Variants in SLC24A2 observed in about 807,000 individuals in gnomAD.
The protein encoded by SLC24A2 is sodium/potassium/calcium exchanger 2.
In SLC24A2, 36 loss-of-function variants were observed where a neutral mutation model predicts 62.0. The observed-to-expected ratio is 0.58, with a 90% CI of 0.44 to 0.77. The LOEUF (loss-of-function observed/expected upper bound fraction) is 0.77, where lower values mean the gene tolerates loss of function less well. SLC24A2 is among the 30% of genes least tolerant of loss of function. The pLI is 0.00. For missense variants in SLC24A2, 846 were observed against 817.9 expected, an observed-to-expected ratio of 1.03 and a Z score of -0.42; for synonymous variants, 358 against 294.0, an observed-to-expected ratio of 1.22 and a Z score of -2.23.
At chr9:19,581,835 G>T (rs1053554232) in intron 5 of SLC24A2, among the ~76,000 whole-genome samples, 3 of 152,156 alleles carry the variant, frequency 2.0e-5, no homozygotes, top group Admixed American at 6.5e-5. Context: ...TGATATTTTT[G>T]AGTACTTTTC....
At chr9:20,047,724 T>A in the SLC24A2 span, among the ~76,000 whole-genome samples, 1 of 150,322 alleles carries the variant, frequency 6.7e-6, no homozygotes, top group African/African-American at 2.4e-5. Context: ...ATAAAGAAAC[T>A]AATCCCAACC....
chr9:19,547,922 C>CT (rs1341408365), intron 8 of SLC24A2, among the ~76,000 whole-genome samples: 1 of 151,624 alleles, frequency 6.6e-6, no homozygotes, highest in Non-Finnish European at 1.5e-5. Flanking sequence ...ACACATTCAG[C>CT]TATTTGGTTG....
intron 1 of SLC24A2, among the ~76,000 whole-genome samples, chr9:19,788,076 G>A (rs1294908217): frequency 6.6e-6 from 1 of 152,232 alleles, no homozygotes; most frequent in Non-Finnish European, 1.5e-5. Context: ...TTTGGAGGCA[G>A]TCGCTGAGAT....
the SLC24A2 span, among the ~76,000 whole-genome samples, chr9:20,169,271 T>A: frequency 6.6e-6 from 1 of 151,998 alleles, no homozygotes; most frequent in Admixed American, 6.6e-5. Flanking sequence ...TTTAAGAGGA[T>A]CATGACAGAC....
chr9:19,837,078 CA>C, the SLC24A2 span, among the ~76,000 whole-genome samples: 1 of 152,082 alleles, frequency 6.6e-6, no homozygotes, highest in Non-Finnish European at 1.5e-5. Context: ...GGACGTATCT[CA>C]AAATAATAAG....
intron 2 of SLC24A2, among the ~76,000 whole-genome samples, chr9:19,727,841 CA>C (rs1021472263): frequency 2.4e-4 from 36 of 152,252 alleles, no homozygotes; most frequent in African/African-American, 8.7e-4. Context: ...TTTTGAAAAT[CA>C]GAAACTACAA....
chr9:19,814,750 A>G, the SLC24A2 span, among the ~76,000 whole-genome samples: 2 of 152,200 alleles, frequency 1.3e-5, no homozygotes, highest in Non-Finnish European at 2.9e-5. Context: ...AAATATTGTC[A>G]GCATTTAGAC....
At chr9:19,845,375 C>T in the SLC24A2 span, among the ~76,000 whole-genome samples, 1 of 152,102 alleles carries the variant, frequency 6.6e-6, no homozygotes, top group Non-Finnish European at 1.5e-5. Context: ...TGTATCCTGA[C>T]ACTTTACTGA....
At chr9:20,159,596 A>C in the SLC24A2 span, among the ~76,000 whole-genome samples, 1 of 151,412 alleles carries the variant, frequency 6.6e-6, no homozygotes, top group Non-Finnish European at 1.5e-5. Flanking sequence ...GTTATTCCCC[A>C]AAAGTGAGAA....
chr9:20,167,538 G>C, the SLC24A2 span, among the ~76,000 whole-genome samples: 9 of 151,982 alleles, frequency 5.9e-5, no homozygotes, highest in Non-Finnish European at 1.5e-5. Context: ...CACACCCATA[G>C]CAATGAGCAC....
At chr9:19,916,314 A>G in the SLC24A2 span, among the ~76,000 whole-genome samples, 69 of 152,168 alleles carry the variant, frequency 4.5e-4, 1 homozygote, top group African/African-American at 1.6e-3. Context: ...ACAGCTTTGT[A>G]GGAAGTTTTG....
At chr9:19,883,995 C>G in the SLC24A2 span, among the ~76,000 whole-genome samples, 308 of 152,268 alleles carry the variant, frequency 2.0e-3, 1 homozygote, top group African/African-American at 7.2e-3. Context: ...TTATCTCCTG[C>G]TAGACTGAAG....
the SLC24A2 span, among the ~76,000 whole-genome samples, chr9:19,812,527 A>G: frequency 6.6e-6 from 1 of 152,028 alleles, no homozygotes. Flanking sequence ...TCTTTTTATG[A>G]ATTCTAATTA....
the SLC24A2 span, among the ~76,000 whole-genome samples, chr9:19,802,523 A>G: frequency 6.6e-6 from 1 of 152,236 alleles, no homozygotes; most frequent in Non-Finnish European, 1.5e-5. Context: ...TGATATCACA[A>G]TTATATTATT....
chr9:19,652,394 T>C (rs2118169579), intron 2 of SLC24A2, among the ~76,000 whole-genome samples: 1 of 152,292 alleles, frequency 6.6e-6, no homozygotes, highest in East Asian at 1.9e-4. Flanking sequence ...GGGGAAATTA[T>C]TCTGGATTAT....
chr9:19,864,833 G>C, the SLC24A2 span, among the ~76,000 whole-genome samples: 1 of 152,022 alleles, frequency 6.6e-6, no homozygotes, highest in Admixed American at 6.6e-5. Context: ...GGAAGTCCTA[G>C]CTAGAGTGAT....
At chr9:19,750,771 A>C (rs1821959035) in intron 2 of SLC24A2, among the ~76,000 whole-genome samples, 1 of 152,076 alleles carries the variant, frequency 6.6e-6, no homozygotes, top group Non-Finnish European at 1.5e-5. Context: ...CAGCTTCTCG[A>C]CCATCACTTT....
chr9:19,797,061 T>A, the SLC24A2 span, among the ~76,000 whole-genome samples: 1 of 152,188 alleles, frequency 6.6e-6, no homozygotes, highest in Admixed American at 6.5e-5. Context: ...ACCCTTCTCT[T>A]GGTAAAAAGT....
Position 19,735,863 on chromosome 9 carries a change from T to TG in SLC24A2, c.930+50073dup, listed in dbSNP as rs1378262634. 5.2e-5 allele frequency among the ~76,000 whole-genome samples: 5 copies of TG among 95,806 alleles called. No homozygotes were observed. The South Asian group carries it at 1.6e-3, about 30-fold the overall frequency. 62.9% of individuals were successfully genotyped at this position (95,806 alleles called of 152,430 possible). On this transcript the variant is annotated intron_variant, in intron 2 of 10. Transcript: ENST00000341998. The stretch of plus-strand genomic sequence containing the variant: ...TCACACACTAGGGCCTGTTGTGGGG[T>TG]GGGGGGAAGGGGGAGGATAGCATTA...
Sources: allele counts gnomAD v4.1 joint callset (sites outside exome capture counted in the v4.1 genomes callset), GRCh38; gene constraint gnomAD v4.1.1; transcripts MANE v1.5; gene names NCBI Gene and HGNC (gene_info 2026-07-23, HGNC 2026-07-21).